Variants in FBXO36 observed in about 807,000 individuals in gnomAD.
FBXO36 encodes F-box protein 36, also known as F-box only protein 36.
Under a neutral mutation model 17.0 loss-of-function variants are expected in FBXO36, and 18 were observed. The observed-to-expected ratio is 1.06, with a 90% confidence interval of 0.73 to 1.57. FBXO36 has a LOEUF of 1.57. Among genes scored for constraint, FBXO36 ranks in the 40% most tolerant of loss-of-function variants. The probability of loss-of-function intolerance (pLI) is 0.00; values close to 1 mark genes in which losing one functional copy is unlikely to be tolerated. For synonymous variants in FBXO36, 83 were observed against 85.3 expected (o/e 0.97, Z 0.15); for missense variants, 229 against 221.9 (o/e 1.03, Z -0.20).
chr2:229,972,710 C>T (rs534182941), intron 1 of FBXO36, among the ~76,000 whole-genome samples: 12 of 152,098 alleles, frequency 7.9e-5, no homozygotes, highest in East Asian at 1.9e-4. Context: ...TGAGCCACCA[C>T]GCCCAGCTCA....
intron 1 of FBXO36, among the ~76,000 whole-genome samples, chr2:229,958,408 C>T (rs545556691): frequency 6.6e-6 from 1 of 151,818 alleles, no homozygotes; most frequent in Non-Finnish European, 1.5e-5. Context: ...GTAGCTGGGA[C>T]TACAGGCGCC....
At chr2:229,942,821 G>A (rs1161445085) in intron 1 of FBXO36, 1 of 152,288 alleles carries the variant, frequency 6.6e-6, no homozygotes, top group African/African-American at 2.4e-5. Flanking sequence ...CTGTTTGGGA[G>A]CTTTTTCCCA....
chr2:229,935,019 CTAA>C (rs1323229632), intron 1 of FBXO36, among the ~76,000 whole-genome samples: 1 of 152,158 alleles, frequency 6.6e-6, no homozygotes, highest in African/African-American at 2.4e-5. Context: ...ATATTTTAAA[CTAA>C]TAATCCAAAA....
intron 1 of FBXO36, among the ~76,000 whole-genome samples, chr2:229,937,247 C>T (rs1271346099): frequency 6.6e-6 from 1 of 152,108 alleles, no homozygotes; most frequent in African/African-American, 2.4e-5. Flanking sequence ...GTAATCCCAG[C>T]ACTTTAGGAG....
At chr2:230,010,209 C>T (rs991066370) in intron 3 of FBXO36, among the ~76,000 whole-genome samples, 4 of 152,030 alleles carry the variant, frequency 2.6e-5, no homozygotes, top group African/African-American at 2.4e-5. Context: ...TGCAGTAAGC[C>T]GAGATTGCGC....
At chr2:229,934,617 G>A (rs1254143236) in intron 1 of FBXO36, among the ~76,000 whole-genome samples, 15 of 152,070 alleles carry the variant, frequency 9.9e-5, no homozygotes, top group Non-Finnish European at 1.9e-4. Flanking sequence ...CACCAAATCA[G>A]TCAGACTTTA....
intron 2 of FBXO36, among the ~76,000 whole-genome samples, chr2:229,992,831 G>A (rs1322670997): frequency 6.6e-6 from 1 of 152,214 alleles, no homozygotes; most frequent in African/African-American, 2.4e-5. Flanking sequence ...TCTGAAGAAG[G>A]CTTGATTGGG....
chr2:229,939,571 A>C (rs1286378944), intron 1 of FBXO36, among the ~76,000 whole-genome samples: 2 of 152,018 alleles, frequency 1.3e-5, no homozygotes, highest in African/African-American at 4.8e-5. Flanking sequence ...AGATGGCGCC[A>C]CTGCACTCCA....
intron 3 of FBXO36, among the ~76,000 whole-genome samples, chr2:230,004,702 G>C (rs1392740585): frequency 1.3e-5 from 2 of 151,860 alleles, no homozygotes; most frequent in Admixed American, 6.6e-5. Flanking sequence ...ACATATTTTA[G>C]ACACTTTTAA....
At chr2:229,996,617 A>G in intron 2 of FBXO36, 134 bp from the exon 3 acceptor site, 1 of 963,412 alleles carries the variant, frequency 1.0e-6, no homozygotes, top group Non-Finnish European at 1.5e-6. Context: ...CAGCTCGGTG[A>G]AAGTAGGAAT....
intron 1 of FBXO36, among the ~76,000 whole-genome samples, chr2:229,940,152 G>A (rs1560433396): frequency 6.6e-6 from 1 of 152,124 alleles, no homozygotes; most frequent in Middle Eastern, 3.4e-3. Flanking sequence ...TCTGCCTACT[G>A]TGTCAAACTA....
chr2:229,929,657 G>A (rs2076929466), intron 1 of FBXO36, among the ~76,000 whole-genome samples: 1 of 151,918 alleles, frequency 6.6e-6, no homozygotes, highest in African/African-American at 2.4e-5. Context: ...TGGATCACGA[G>A]GTCAGGAGTT....
intron 1 of FBXO36, among the ~76,000 whole-genome samples, chr2:229,938,499 C>A (rs1048808794): frequency 2.5e-5 from 2 of 81,212 alleles, no homozygotes; most frequent in Non-Finnish European, 4.9e-5. Context: ...TTTTTTTTTT[C>A]TTGAAGTGGA....
At chr2:229,965,675 T>G (rs1301369136) in intron 1 of FBXO36, among the ~76,000 whole-genome samples, 3 of 152,118 alleles carry the variant, frequency 2.0e-5, no homozygotes, top group Non-Finnish European at 4.4e-5. Context: ...GGTTTCCAGC[T>G]TCATCCATGT....
intron 3 of FBXO36, among the ~76,000 whole-genome samples, chr2:230,006,655 G>A (rs192451519): frequency 1.3e-5 from 2 of 152,262 alleles, no homozygotes; most frequent in Non-Finnish European, 2.9e-5. Flanking sequence ...AGCAAAGGAA[G>A]AATATGGCTG....
intron 3 of FBXO36, among the ~76,000 whole-genome samples, chr2:229,999,836 G>A (rs963637863): frequency 4.6e-5 from 7 of 151,890 alleles, no homozygotes; most frequent in Admixed American, 2.0e-4. Context: ...CAATAGTTAT[G>A]TTTTCTGCTC....
chr2:229,939,752 A>G (rs1167178293), intron 1 of FBXO36, among the ~76,000 whole-genome samples: 2 of 152,136 alleles, frequency 1.3e-5, no homozygotes, highest in Non-Finnish European at 2.9e-5. Flanking sequence ...GATGGCGGCC[A>G]CCTTAGCCTT....
intron 1 of FBXO36, among the ~76,000 whole-genome samples, chr2:229,932,470 A>G (rs2076943657): frequency 6.6e-6 from 1 of 152,052 alleles, no homozygotes; most frequent in South Asian, 2.1e-4. Context: ...CAGTGAGCCA[A>G]GGTCACGCCA....
At chr2:230,002,527 G>T (rs2077365241) in intron 3 of FBXO36, among the ~76,000 whole-genome samples, 1 of 152,014 alleles carries the variant, frequency 6.6e-6, no homozygotes, top group Non-Finnish European at 1.5e-5. Flanking sequence ...GGGACTACAG[G>T]CCTGCGCCAC....
Sources: gnomAD v4.1 joint callset for allele counts (sites outside exome capture counted in the v4.1 genomes callset) on GRCh38, gnomAD v4.1.1 for gene constraint, MANE v1.5 for transcripts, NCBI Gene and HGNC (gene_info 2026-07-23, HGNC 2026-07-21) for gene names.